The following PTPRN2 variants were observed in gnomAD, a reference collection of about 807,000 sequenced individuals.
PTPRN2 encodes protein tyrosine phosphatase receptor type N2.
In PTPRN2, 74 loss-of-function variants were observed where a neutral mutation model predicts 118.8. The observed-to-expected ratio is 0.62, with a 90% CI of 0.52 to 0.76. PTPRN2 has a LOEUF of 0.76. Among genes scored for constraint, PTPRN2 ranks in the 30% least tolerant of loss-of-function variants. The pLI is 0.00. For missense variants in PTPRN2, 1,481 were observed against 1,394.4 expected, an observed-to-expected ratio of 1.06 and a Z score of -0.99; for synonymous variants, 641 against 608.0, an observed-to-expected ratio of 1.05 and a Z score of -0.80.
At position 158,138,335 on chromosome 7, in the gene PTPRN2, G is replaced by T; in HGVS notation, c.1091C>A (p.Ala364Glu). The T allele has an allele frequency of 1.2e-6, 2 of 1,613,562 alleles. No individual in the cohort carries two copies. The highest frequency in any genetic ancestry group is 8.5e-7 in the Non-Finnish European group (1 of 1,180,012). Residue 364 changes from alanine (A) to glutamate (E), a missense_variant, in exon 7 of 23, where the codon GCG (alanine) becomes GAG (glutamate). Around this residue, in one of 3 missense-constraint regions of PTPRN2, gnomAD observed 1,115 missense variants for 994.2 expected, o/e 1.12. Transcript: ENST00000389418. The stretch of plus-strand genomic sequence containing the variant: ...ACGGAGGGTGGCCTTGGGGCCATCC[G>T]CCTGTTCTCCAGACTCTCCCAGGGC... The part of the protein sequence containing the change: ...RAALGESGEQ[A>E]DGPKATLRGD...
At chr7:157,567,318 C>T (rs547918632) in intron 21 of PTPRN2, among the ~76,000 whole-genome samples, 1 of 152,316 alleles carries the variant, frequency 6.6e-6, no homozygotes, top group East Asian at 1.9e-4. Context: ...CACCACTAAA[C>T]TAATCTTGGG....
intron 2 of PTPRN2, among the ~76,000 whole-genome samples, chr7:158,440,839 GCA>G: frequency 7.1e-6 from 1 of 141,126 alleles, no homozygotes; most frequent in Non-Finnish European, 1.6e-5. Flanking sequence ...GGTGGTGATG[GCA>G]GTGACGGGGG....
chr7:158,447,112 G>T (rs1488302294), intron 2 of PTPRN2, among the ~76,000 whole-genome samples: 1 of 152,110 alleles, frequency 6.6e-6, no homozygotes, highest in Non-Finnish European at 1.5e-5. Flanking sequence ...TAAAATTTTT[G>T]CTCTGAAACA....
At position 157,929,153 on chromosome 7, in the gene PTPRN2, G is replaced by A. The variant is rs1047105019; in HGVS notation, c.1724-30416C>T. On this transcript the variant is annotated intron_variant, in intron 11 of 22. Coordinates refer to ENST00000389418, the MANE Select transcript of PTPRN2 (RefSeq NM_002847.5). This position sits in a 1 kb window ranked among gnomAD's most constrained non-coding sequence, Gnocchi z 4.4. ...CCACCCTTGTGTTTCCCTGGCATATGTGTCAGCCAGCTGGTCAACACATGC... is the reference window on the plus strand; with the variant it reads ...CCACCCTTGTGTTTCCCTGGCATATATGTCAGCCAGCTGGTCAACACATGC... Among the ~76,000 whole-genome samples the A allele has an allele frequency of 4.6e-5, 7 of 152,302 alleles. No individual in the cohort carries two copies. In the South Asian group the frequency reaches 6.2e-4, roughly 14 times the overall value.
At chr7:157,955,407 G>GGA (rs1441327789) in intron 11 of PTPRN2, among the ~76,000 whole-genome samples, 1 of 151,902 alleles carries the variant, frequency 6.6e-6, no homozygotes, top group Non-Finnish European at 1.5e-5. Flanking sequence ...CCCCTGGGTG[G>GGA]GAGCTATTTC....
At chr7:158,233,636 A>G (rs1829317225) in intron 3 of PTPRN2, among the ~76,000 whole-genome samples, 1 of 152,176 alleles carries the variant, frequency 6.6e-6, no homozygotes, top group Non-Finnish European at 1.5e-5. Context: ...AATTTACATA[A>G]GCTCACAAAA....
intron 11 of PTPRN2, among the ~76,000 whole-genome samples, chr7:158,057,990 C>T (rs1413748090): frequency 1.3e-5 from 2 of 152,218 alleles, no homozygotes; most frequent in Non-Finnish European, 2.9e-5. Context: ...AGAATGCTTC[C>T]TTAGTTGCAG....
chr7:157,849,541 G>A lies in PTPRN2; in HGVS notation c.1788+49132C>T, dbSNP rs902993716. Reference sequence around the variant, plus strand: ...TGGGCCAACCCCTGGGTTCTGACAAGATGTGCTGTTTAGGACTAAATTCAG... The same window carrying A: ...TGGGCCAACCCCTGGGTTCTGACAAAATGTGCTGTTTAGGACTAAATTCAG... On this transcript the variant is annotated intron_variant, in intron 12 of 22. Transcript: ENST00000389418. 3.9e-5 allele frequency among the ~76,000 whole-genome samples: 6 copies of A among 152,316 alleles called. No individual in the cohort carries two copies. The South Asian group carries it at 1.2e-3, about 32-fold the overall frequency.
In PTPRN2 at chr7:157,974,083, G is replaced by A. The variant is rs1802548939; in HGVS notation, c.1724-75346C>T. ...GGTGTGGCCATAACATGGAGCACAGGCTGAGCTGCCTGACTTGCACTGCTG... is the reference window on the plus strand; with the variant it reads ...GGTGTGGCCATAACATGGAGCACAGACTGAGCTGCCTGACTTGCACTGCTG... On this transcript the variant is annotated intron_variant, in intron 11 of 22. Coordinates refer to ENST00000389418, the MANE Select transcript of PTPRN2 (RefSeq NM_002847.5). This position sits in a 1 kb window ranked among gnomAD's most constrained non-coding sequence, Gnocchi z 4.0. Among the ~76,000 whole-genome samples the A allele has an allele frequency of 6.6e-6, 1 of 152,202 alleles. No homozygotes were observed. Among genetic ancestry groups the A allele is most frequent in the African/African-American group, 2.4e-5 (1 of 41,444 alleles).
At position 158,112,459 on chromosome 7, in the gene PTPRN2, G is replaced by A. The variant is rs148783762; in HGVS notation, c.1557-1544C>T. ...GGCCTGGAGACGAGTGCAGGAGGCCGTCAGCTGGGGCAGGGGCCTGAGCTG... is the reference window on the plus strand; with the variant it reads ...GGCCTGGAGACGAGTGCAGGAGGCCATCAGCTGGGGCAGGGGCCTGAGCTG... On this transcript the variant is annotated intron_variant, in intron 9 of 22. Transcript: ENST00000389418. 6.2e-3 allele frequency among the ~76,000 whole-genome samples: 941 copies of A among 152,296 alleles called. 12 individuals are homozygous for A. Among genetic ancestry groups the A allele is most frequent in the African/African-American group, 0.022 (896 of 41,566 alleles).
intron 14 of PTPRN2, among the ~76,000 whole-genome samples, chr7:157,643,714 C>T (rs2150701667): frequency 6.6e-6 from 1 of 152,350 alleles, no homozygotes; most frequent in African/African-American, 2.4e-5. Context: ...ACACCCGCAC[C>T]CACAGTAAAG....
At chr7:158,374,452 A>C (rs1337776365) in intron 2 of PTPRN2, among the ~76,000 whole-genome samples, 1 of 152,204 alleles carries the variant, frequency 6.6e-6, no homozygotes, top group Non-Finnish European at 1.5e-5. Flanking sequence ...AACAGCGCAG[A>C]AACTCCACTC....
At chr7:157,852,134 G>A (rs1254494371) in intron 12 of PTPRN2, among the ~76,000 whole-genome samples, 1 of 152,162 alleles carries the variant, frequency 6.6e-6, no homozygotes, top group African/African-American at 2.4e-5. Context: ...AATGACTTAG[G>A]GTCTCAGCCA....
intron 6 of PTPRN2, among the ~76,000 whole-genome samples, chr7:158,154,935 G>A (rs1405316772): frequency 6.6e-6 from 1 of 152,164 alleles, no homozygotes; most frequent in Admixed American, 6.5e-5. Flanking sequence ...AGAGAAATGA[G>A]GAAGTATGTT....
chr7:158,366,085 A>G (rs10226963), intron 2 of PTPRN2, among the ~76,000 whole-genome samples: 100,751 of 118,868 alleles, frequency 0.85, 42,944 homozygotes, highest in South Asian at 0.9. Context: ...ACACACACGC[A>G]CACACACACA....
intron 1 of PTPRN2, among the ~76,000 whole-genome samples, chr7:158,578,341 C>T (rs1586974971): frequency 1.3e-5 from 2 of 148,922 alleles, no homozygotes; most frequent in South Asian, 2.1e-4. Context: ...ATAATCTCAG[C>T]AGTTTGGGAG....
chr7:158,199,401 G>A (rs967170027), intron 4 of PTPRN2, among the ~76,000 whole-genome samples: 1 of 152,224 alleles, frequency 6.6e-6, no homozygotes, highest in Admixed American at 6.5e-5. Context: ...CTCTGCTTAA[G>A]GGACCTCATG....
At chr7:157,967,154 T>C (rs77033696) in intron 11 of PTPRN2, among the ~76,000 whole-genome samples, 3,176 of 152,230 alleles carry the variant, frequency 0.021, 87 homozygotes, top group African/African-American at 0.069. Flanking sequence ...ATCCTATCTC[T>C]ATTAAATTTT....
At chr7:157,570,973 G>A (rs1799725451) in intron 20 of PTPRN2, among the ~76,000 whole-genome samples, 2 of 152,176 alleles carry the variant, frequency 1.3e-5, no homozygotes, top group African/African-American at 2.4e-5. Context: ...GGCCTCGCGC[G>A]GTGGCTCACG....
Sources: gnomAD v4.1 joint callset for allele counts (sites outside exome capture counted in the v4.1 genomes callset) on GRCh38, gnomAD v4.1.1 for gene constraint, gnomAD v4.1.1 regional missense constraint, Gnocchi (gnomAD v3.1) non-coding constraint, MANE v1.5 for transcripts, NCBI Gene and HGNC (gene_info 2026-07-23, HGNC 2026-07-21) for gene names.